Variants in RANBP17 observed in about 807,000 individuals in gnomAD.
RANBP17 encodes the protein RAN binding protein 17.
Under a neutral mutation model 141.2 loss-of-function variants are expected in RANBP17, and 158 were observed. The ratio of observed to expected loss-of-function variants is 1.12; its 90% confidence interval spans 0.98 to 1.28. The LOEUF (loss-of-function observed/expected upper bound fraction) is 1.28. Ranked by LOEUF, RANBP17 falls within the 50% of genes most tolerant of loss-of-function variation. The pLI is 0.00. For missense variants in RANBP17, 1,438 were observed against 1,290.7 expected, an observed-to-expected ratio of 1.11 and a Z score of -1.75; for synonymous variants, 430 against 450.0, an observed-to-expected ratio of 0.96 and a Z score of 0.56.
chr5:171,153,864 C>A (rs1319467063), intron 14 of RANBP17, among the ~76,000 whole-genome samples: 2 of 151,898 alleles, frequency 1.3e-5, no homozygotes. Context: ...CCCATCTCTA[C>A]TAAAAATACA....
At chr5:171,186,542 T>C (rs946006019) in intron 18 of RANBP17, among the ~76,000 whole-genome samples, 4 of 94,322 alleles carry the variant, frequency 4.2e-5, no homozygotes, top group African/African-American at 1.5e-4. Context: ...TTTTTTTTTT[T>C]TTTTTTTTTT....
chr5:171,113,222 C>G (rs1213625255), intron 14 of RANBP17, among the ~76,000 whole-genome samples: 1 of 152,120 alleles, frequency 6.6e-6, no homozygotes, highest in Non-Finnish European at 1.5e-5. Flanking sequence ...CACATCTTTT[C>G]CCTGCCTACT....
intron 12 of RANBP17, among the ~76,000 whole-genome samples, chr5:170,942,988 T>A (rs574478008): frequency 6.6e-6 from 1 of 152,332 alleles, no homozygotes; most frequent in East Asian, 1.9e-4. Context: ...GGATACACTA[T>A]GCAGTTTTAG....
chr5:171,286,157 G>A (rs998541883), intron 25 of RANBP17, among the ~76,000 whole-genome samples: 2 of 152,208 alleles, frequency 1.3e-5, no homozygotes, highest in African/African-American at 4.8e-5. Flanking sequence ...CCGTAAGGAG[G>A]GGATGGCAGA....
intron 14 of RANBP17, among the ~76,000 whole-genome samples, chr5:170,993,479 A>G (rs903978268): frequency 6.6e-6 from 1 of 152,056 alleles, no homozygotes; most frequent in African/African-American, 2.4e-5. Context: ...CTTTGTTTCT[A>G]GGATTTTGGC....
chr5:171,257,457 T>C (rs377710936), intron 24 of RANBP17, among the ~76,000 whole-genome samples: 2 of 152,172 alleles, frequency 1.3e-5, no homozygotes, highest in East Asian at 3.8e-4. Flanking sequence ...AAAATCATAC[T>C]GAATGGGGAA....
At chr5:171,093,611 A>G (rs1786472657) in intron 14 of RANBP17, among the ~76,000 whole-genome samples, 1 of 152,264 alleles carries the variant, frequency 6.6e-6, no homozygotes, top group East Asian at 1.9e-4. Context: ...TATAATTTTC[A>G]TGACCTCTAA....
At chr5:170,895,116 A>G (rs900496825) in intron 4 of RANBP17, among the ~76,000 whole-genome samples, 1 of 152,208 alleles carries the variant, frequency 6.6e-6, no homozygotes, top group Non-Finnish European at 1.5e-5. Context: ...TCAGACACTC[A>G]GACTGTCTTG....
intron 14 of RANBP17, among the ~76,000 whole-genome samples, chr5:171,132,876 T>G (rs1409685046): frequency 6.6e-6 from 1 of 152,138 alleles, no homozygotes. Flanking sequence ...TTCTTGAGAT[T>G]AGTCAGAATG....
At chr5:170,905,952 A>G (rs1430515474) in intron 5 of RANBP17, among the ~76,000 whole-genome samples, 3 of 152,102 alleles carry the variant, frequency 2.0e-5, no homozygotes, top group Admixed American at 6.5e-5. Flanking sequence ...TTTAGAGAGC[A>G]ACAGGATAAC....
intron 14 of RANBP17, among the ~76,000 whole-genome samples, chr5:171,006,059 C>G (rs1480692867): frequency 1.3e-5 from 2 of 152,028 alleles, no homozygotes; most frequent in African/African-American, 2.4e-5. Flanking sequence ...CCATCTCACA[C>G]CAGTTAGAAT....
At chr5:170,968,695 T>C (rs753683029) in intron 14 of RANBP17, 9 of 466,574 alleles carry the variant, frequency 1.9e-5, no homozygotes, top group East Asian at 1.3e-4. Flanking sequence ...TTTGCTTTTT[T>C]AGTAGTTCCA....
intron 1 of RANBP17, among the ~76,000 whole-genome samples, chr5:170,874,575 T>C (rs1336062201): frequency 6.6e-6 from 1 of 152,248 alleles, no homozygotes; most frequent in African/African-American, 2.4e-5. Flanking sequence ...TTTATCATTA[T>C]GTAATGCCCT....
intron 19 of RANBP17, 88 bp from the exon 20 acceptor site, chr5:171,205,436 A>T: frequency 1.9e-6 from 2 of 1,037,252 alleles, no homozygotes; most frequent in East Asian, 4.8e-5. Flanking sequence ...AATCAAAATC[A>T]GATATGTGGT....
chr5:171,283,102 C>CTTCTCT (rs1767950084), intron 25 of RANBP17, among the ~76,000 whole-genome samples: 1 of 152,184 alleles, frequency 6.6e-6, no homozygotes, highest in Non-Finnish European at 1.5e-5. Flanking sequence ...ACAACAGATC[C>CTTCTCT]AAATGTCACC....
intron 14 of RANBP17, among the ~76,000 whole-genome samples, chr5:170,979,099 A>G (rs1195234822): frequency 6.6e-6 from 1 of 152,238 alleles, no homozygotes; most frequent in Non-Finnish European, 1.5e-5. Context: ...ATATGTTAAG[A>G]AAATTGTATG....
chr5:170,881,975 A>G (rs1768738198), intron 3 of RANBP17, 79 bp downstream of exon 3: 1 of 855,394 alleles, frequency 1.2e-6, no homozygotes, highest in East Asian at 2.7e-5. Context: ...TGTTACTAGG[A>G]TTGCAAATTT....
At chr5:170,917,030 G>T (rs116611296) in intron 9 of RANBP17, among the ~76,000 whole-genome samples, 4,543 of 152,174 alleles carry the variant, frequency 0.03, 225 homozygotes, top group African/African-American at 0.1. Flanking sequence ...GATCTCATTT[G>T]TGGTGGAGAT....
chr5:171,043,992 A>T (rs1782416229), intron 14 of RANBP17, among the ~76,000 whole-genome samples: 1 of 152,130 alleles, frequency 6.6e-6, no homozygotes, highest in South Asian at 2.1e-4. Flanking sequence ...CTATTTTAAA[A>T]TCCTTACATT....
Sources: gnomAD v4.1 joint callset for allele counts (sites outside exome capture counted in the v4.1 genomes callset) on GRCh38, gnomAD v4.1.1 for gene constraint, MANE v1.5 for transcripts, NCBI Gene and HGNC (gene_info 2026-07-23, HGNC 2026-07-21) for gene names.